Variants in TMEM52B observed in about 807,000 individuals in gnomAD.
The protein encoded by TMEM52B is transmembrane protein 52B, also known as chromosome 12 open reading frame 59.
Under a neutral mutation model 16.1 loss-of-function variants are expected in TMEM52B, and 11 were observed. That is an observed-to-expected ratio of 0.68 (90% CI 0.43 to 1.13). TMEM52B has a LOEUF of 1.13. Among genes scored for constraint, TMEM52B ranks in the 50% most tolerant of loss-of-function variants. The probability of loss-of-function intolerance (pLI) is 0.00; values close to 1 mark genes in which losing one functional copy is unlikely to be tolerated. For synonymous variants in TMEM52B, 101 were observed against 93.8 expected (o/e 1.08, Z -0.45); for missense variants, 243 against 230.4 (o/e 1.05, Z -0.35).
intron 4 of TMEM52B, among the ~76,000 whole-genome samples, chr12:10,188,104 A>AAAC (rs955127995): frequency 1.3e-4 from 20 of 152,024 alleles, no homozygotes; most frequent in Admixed American, 3.9e-4. Flanking sequence ...CCCTGTCTCA[A>AAAC]AACAACAACA....
chr12:10,186,747 T>C lies in TMEM52B; in HGVS notation c.307+158T>C, dbSNP rs541858481. On this transcript the variant is annotated intron_variant, in intron 4 of 4. Transcript: ENST00000543484. Reference sequence around the variant, plus strand: ...AGCCTGATGGTGCAGTGACCTGGGCTGTCACTGAAGCTGTGTTCTCAAGGG... The same window carrying C: ...AGCCTGATGGTGCAGTGACCTGGGCCGTCACTGAAGCTGTGTTCTCAAGGG... 2.0e-5 allele frequency among the ~76,000 whole-genome samples: 3 copies of C among 152,328 alleles called. No individual in the cohort carries two copies. In the South Asian group the frequency reaches 6.2e-4, roughly 32 times the overall value.
intron 4 of TMEM52B, among the ~76,000 whole-genome samples, chr12:10,187,846 C>A (rs1948898938): frequency 6.6e-6 from 1 of 152,150 alleles, no homozygotes; most frequent in East Asian, 1.9e-4. Context: ...TGCCTGTAAT[C>A]CCAGAACTTT....
chr12:10,177,970 A>G (rs947032679), upstream of TMEM52B, among the ~76,000 whole-genome samples: 1 of 149,022 alleles, frequency 6.7e-6, no homozygotes, highest in East Asian at 2.1e-4. Flanking sequence ...ATCTCGGCTC[A>G]CTGCAACTTC....
At chr12:10,184,837 TA>T (rs1948862333) in intron 2 of TMEM52B, among the ~76,000 whole-genome samples, 1 of 141,722 alleles carries the variant, frequency 7.1e-6, no homozygotes, top group Non-Finnish European at 1.5e-5. Context: ...TCTTTCTTAG[TA>T]TTTTTTTTTT....
At position 10,190,269 on chromosome 12, in the gene TMEM52B, G is replaced by T; in HGVS notation, c.*129G>T. On this transcript the variant is annotated 3_prime_UTR_variant, in exon 5 of 5. Transcript: ENST00000543484. ...ACACCATCATTCTATGGGAAAGATGGTTCTTACTCTTCGTTCACAGGCCTT... is the reference window on the plus strand; with the variant it reads ...ACACCATCATTCTATGGGAAAGATGTTTCTTACTCTTCGTTCACAGGCCTT... 1.6e-6 allele frequency: 2 copies of T among 1,231,014 alleles called. No individual in the cohort carries two copies. Among genetic ancestry groups the T allele is most frequent in the Non-Finnish European group, 1.1e-6 (1 of 883,740 alleles). The allele number at this position is 1,231,014 out of a possible 1,614,324, so 76.3% of individuals were successfully genotyped here. A position where few individuals can be genotyped will look rare whatever the true frequency, so the allele number is the denominator to read the frequency against.
chr12:10,182,320 CCAT>C, intron 1 of TMEM52B: 1 of 985,278 alleles, frequency 1.0e-6, no homozygotes, highest in Non-Finnish European at 1.2e-6. Flanking sequence ...TGCTCACCCA[CCAT>C]CAACACAACA....
chr12:10,179,772 T>A lies in TMEM52B; in HGVS notation c.54+144T>A, dbSNP rs76648823. On this transcript the variant is annotated intron_variant, in intron 1 of 4. Transcript: ENST00000543484. ...ATAGGGAAATGAATAAACTACAAAG[T>A]TTCCTTAGTATTACGAGATTGCATA... The A allele has an allele frequency of 3.7e-4, 332 of 889,638 alleles. 7 individuals are homozygous for A. In the East Asian group the frequency reaches 8.1e-3, roughly 22 times the overall value. 55.1% of individuals were successfully genotyped at this position (889,638 alleles called of 1,614,324 possible). A position where few individuals can be genotyped will look rare whatever the true frequency, so the allele number is the denominator to read the frequency against.
chr12:10,185,490 T>A, intron 3 of TMEM52B, 122 bp downstream of exon 3: 1 of 740,376 alleles, frequency 1.4e-6, no homozygotes, highest in South Asian at 1.6e-5. Flanking sequence ...ACTACCTATG[T>A]GACAATATGT....
rs1948946164 is a variant in TMEM52B, at chr12:10,190,519, G to T, written c.*379G>T. On this transcript the variant is annotated 3_prime_UTR_variant, in exon 5 of 5. Coordinates refer to ENST00000543484, the MANE Select transcript of TMEM52B (RefSeq NM_001384896.1). ...GAATCCACTGCGGTTAACTGGAAAA[G>T]AAAGACAACAGTGTCAGCACAGCCA... 1 of 231,626 alleles carries T rather than the reference G, an allele frequency of 4.3e-6. No individual in the cohort carries two copies. The highest frequency in any genetic ancestry group is 8.8e-6 in the Non-Finnish European group (1 of 113,976). 14.3% of individuals were successfully genotyped at this position (231,626 alleles called of 1,614,324 possible).
rs553897444 is a variant in TMEM52B at position 10,188,231 on chromosome 12, G to A, written c.307+1642G>A. On this transcript the variant is annotated intron_variant, in intron 4 of 4. Transcript: ENST00000543484. ...TGGGCACGGTGGCTCAGTCCAAGGC[G>A]GGCAGATCATCTGAGCTCAGGAGTT... 7.9e-5 allele frequency among the ~76,000 whole-genome samples: 12 copies of A among 151,492 alleles called. No homozygotes were observed. In the East Asian group the frequency reaches 1.6e-3, roughly 20 times the overall value.
At chr12:10,184,620 G>T (rs1313210242) in intron 2 of TMEM52B, among the ~76,000 whole-genome samples, 2 of 152,092 alleles carry the variant, frequency 1.3e-5, no homozygotes, top group African/African-American at 4.8e-5. Flanking sequence ...GAGTATAGCA[G>T]GAAGAAACTA....
At chr12:10,186,690 T>C in intron 4 of TMEM52B, 101 bp downstream of exon 4, 1 of 1,209,560 alleles carries the variant, frequency 8.3e-7, no homozygotes, top group Non-Finnish European at 1.1e-6. Flanking sequence ...ATATTAAAGA[T>C]TCCAGGACTC....
intron 1 of TMEM52B, among the ~76,000 whole-genome samples, chr12:10,171,553 T>A (rs969876558): frequency 6.6e-6 from 1 of 152,242 alleles, no homozygotes; most frequent in Non-Finnish European, 1.5e-5. Context: ...TATCGTTATA[T>A]ACACCAGATA....
rs748290310 is a variant in TMEM52B, at chr12:10,179,573, C to G, written c.-2C>G. ...ATTCTGAAGAAGCAGGAATTCAGCC[C>G]GATGGGAGTCCGAGTTCATGTCGTG... On this transcript the variant is annotated 5_prime_UTR_variant, in exon 1 of 5. Transcript: ENST00000543484. 5 of 1,614,096 alleles carry G rather than the reference C, an allele frequency of 3.1e-6. No individual in the cohort carries two copies. The Admixed American group carries it at 5.0e-5, about 16-fold the overall frequency.
intron 1 of TMEM52B, among the ~76,000 whole-genome samples, chr12:10,171,666 G>A (rs905504620): frequency 6.6e-6 from 1 of 152,150 alleles, no homozygotes; most frequent in Non-Finnish European, 1.5e-5. Context: ...ACTGGATGAT[G>A]TTGTTAGTCC....
At chr12:10,176,508 G>A (rs1184420022), upstream of TMEM52B, among the ~76,000 whole-genome samples, 1 of 152,134 alleles carries the variant, frequency 6.6e-6, no homozygotes, top group African/African-American at 2.4e-5. Context: ...GGCGTGGTTG[G>A]GAGAAAAGGT....
At position 10,190,110 on chromosome 12, in the gene TMEM52B, G is replaced by A. The variant is rs768273361; in HGVS notation, c.522G>A (p.Glu174=). 1 of 1,614,210 alleles carries A rather than the reference G, an allele frequency of 6.2e-7. No individual in the cohort carries two copies. The highest frequency in any genetic ancestry group is 1.3e-5 in the African/African-American group (1 of 75,054). Residue 174 remains glutamate (E), a synonymous_variant, in exon 5 of 5, where the codon GAG becomes GAA. Coordinates refer to ENST00000543484, the MANE Select transcript of TMEM52B (RefSeq NM_001384896.1). ...AGCAGCTGCCTCCAACAGAGAAGGAGTCGACTCGAATAGTTGACTCTTGGA... is the reference window on the plus strand; with the variant it reads ...AGCAGCTGCCTCCAACAGAGAAGGAATCGACTCGAATAGTTGACTCTTGGA... ...EEKQLPPTEK[E]STRIVDSWN
rs1215503757 is a variant in TMEM52B at position 10,179,520 on chromosome 12, A to C, written c.-55A>C. The stretch of plus-strand genomic sequence containing the variant: ...AAGTAAAATATGGCACAGAGCATTG[A>C]AAGGAGGCAACGGATGCCCAGTGCA... On this transcript the variant is annotated 5_prime_UTR_variant, in exon 1 of 5. Coordinates refer to ENST00000543484, the MANE Select transcript of TMEM52B (RefSeq NM_001384896.1). The C allele has an allele frequency of 6.3e-7, 1 of 1,581,278 alleles. No homozygotes were observed. The highest frequency in any genetic ancestry group is 8.7e-7 in the Non-Finnish European group (1 of 1,150,180).
At chr12:10,182,104 T>C in intron 1 of TMEM52B, 1 of 983,060 alleles carries the variant, frequency 1.0e-6, no homozygotes, top group Non-Finnish European at 1.2e-6. Flanking sequence ...AATAAGACTC[T>C]CTGTCCCACT....
Sources: gnomAD v4.1 joint callset for allele counts (sites outside exome capture counted in the v4.1 genomes callset) on GRCh38, gnomAD v4.1.1 for gene constraint, MANE v1.5 for transcripts, NCBI Gene and HGNC (gene_info 2026-07-23, HGNC 2026-07-21) for gene names.